ZFYVE9: variants seen among roughly 807,000 people sequenced by gnomAD.
ZFYVE9 encodes zinc finger FYVE domain-containing protein 9.
A neutral mutation model predicts 126.7 loss-of-function variants in ZFYVE9; 43 were observed. The ratio of observed to expected loss-of-function variants is 0.34; its 90% CI spans 0.27 to 0.44. The LOEUF (loss-of-function observed/expected upper bound fraction) is 0.44, where lower values mean the gene tolerates loss of function less well. ZFYVE9 is among the 20% of genes least tolerant of loss of function. ZFYVE9 has a pLI of 1.00. For missense variants in ZFYVE9, 1,476 were observed against 1,697.0 expected (o/e 0.87, Z 2.29); for synonymous variants, 521 against 597.4 (o/e 0.87, Z 1.87).
chr1:52,330,995 T>A (rs1646336054), intron 13 of ZFYVE9, among the ~76,000 whole-genome samples: 1 of 152,064 alleles, frequency 6.6e-6, no homozygotes, highest in South Asian at 2.1e-4. Flanking sequence ...GCCTCCCAAG[T>A]AGCTGGAATT....
At chr1:52,236,457 T>G (rs1036670760) in intron 3 of ZFYVE9, among the ~76,000 whole-genome samples, 1 of 152,154 alleles carries the variant, frequency 6.6e-6, no homozygotes, top group African/African-American at 2.4e-5. Flanking sequence ...CAAATATATC[T>G]GCATAATTTC....
At chr1:52,259,894 T>A (rs1645562195) in intron 4 of ZFYVE9, among the ~76,000 whole-genome samples, 1 of 152,206 alleles carries the variant, frequency 6.6e-6, no homozygotes, top group Admixed American at 6.5e-5. Context: ...ACAGAACTAT[T>A]TCATTCTTTT....
In ZFYVE9 at chr1:52,238,764, A is replaced by G; in HGVS notation, c.1347A>G (p.Leu449=). ...GATTGGCAGATGCAGGTCTAGATTTAAAAGGAACTTGCATTAGTGAAAGTG... is the reference window on the plus strand; with the variant it reads ...GATTGGCAGATGCAGGTCTAGATTTGAAAGGAACTTGCATTAGTGAAAGTG... The part of the protein sequence containing the change: ...CVGLADAGLD[L]KGTCISESEE... Residue 449 remains leucine (L), a synonymous_variant, in exon 4 of 19, where the codon TTA becomes TTG. Transcript: ENST00000287727. The G allele has an allele frequency of 6.2e-7, 1 of 1,614,110 alleles. No homozygotes were observed. Among genetic ancestry groups the G allele is most frequent in the Non-Finnish European group, 8.5e-7 (1 of 1,179,956 alleles).
At chr1:52,340,623 G>C (rs988379631) in intron 17 of ZFYVE9, among the ~76,000 whole-genome samples, 1 of 152,308 alleles carries the variant, frequency 6.6e-6, no homozygotes, top group African/African-American at 2.4e-5. Context: ...AACTAGGCCA[G>C]GCACAGTGGC....
chr1:52,312,116 T>G (rs1646142322), intron 13 of ZFYVE9, among the ~76,000 whole-genome samples: 1 of 152,170 alleles, frequency 6.6e-6, no homozygotes, highest in Non-Finnish European at 1.5e-5. Context: ...ATTGAACTTG[T>G]GTTACAAACT....
At chr1:52,256,363 G>A (rs1368922284) in intron 4 of ZFYVE9, among the ~76,000 whole-genome samples, 3 of 151,114 alleles carry the variant, frequency 2.0e-5, no homozygotes, top group South Asian at 4.2e-4. Flanking sequence ...CACCATGCCC[G>A]GCTCTTTTTT....
At chr1:52,314,562 A>G (rs928173069) in intron 13 of ZFYVE9, among the ~76,000 whole-genome samples, 3 of 152,222 alleles carry the variant, frequency 2.0e-5, no homozygotes, top group Non-Finnish European at 4.4e-5. Context: ...TCACGCCTGT[A>G]ATCCCAGTAG....
chr1:52,198,164 C>G (rs115441632), intron 1 of ZFYVE9, among the ~76,000 whole-genome samples: 8,798 of 136,652 alleles, frequency 0.064, 323 homozygotes, highest in African/African-American at 0.099. Context: ...CTCTGTCACC[C>G]AAACTGGAGT....
intron 1 of ZFYVE9, among the ~76,000 whole-genome samples, chr1:52,172,797 CTGTT>C (rs1336277136): frequency 4.0e-5 from 6 of 151,264 alleles, no homozygotes; most frequent in Admixed American, 6.6e-5. Flanking sequence ...ATTTGGCTCT[CTGTT>C]TGTCTGTTAT....
chr1:52,226,641 C>A (rs1265599846), intron 2 of ZFYVE9, among the ~76,000 whole-genome samples: 1 of 152,202 alleles, frequency 6.6e-6, no homozygotes, highest in Non-Finnish European at 1.5e-5. Context: ...CTTCTTAACT[C>A]CTGTATCACT....
At chr1:52,316,377 C>T (rs777356075) in intron 13 of ZFYVE9, among the ~76,000 whole-genome samples, 85 of 149,324 alleles carry the variant, frequency 5.7e-4, no homozygotes, top group Admixed American at 2.9e-3. Context: ...CCCAGCTACT[C>T]GGGAGGCTGA....
At chr1:52,229,523 A>T (rs1403129605) in intron 2 of ZFYVE9, among the ~76,000 whole-genome samples, 1 of 152,186 alleles carries the variant, frequency 6.6e-6, no homozygotes. Flanking sequence ...TCCATTTTTG[A>T]TGCTTGTTTG....
intron 1 of ZFYVE9, among the ~76,000 whole-genome samples, chr1:52,182,791 C>CT (rs1217570202): frequency 6.6e-6 from 1 of 151,376 alleles, no homozygotes; most frequent in Non-Finnish European, 1.5e-5. Context: ...TTTTGGAACT[C>CT]TTTTTTAAAT....
At chr1:52,269,395 G>T (rs1645666438) in intron 7 of ZFYVE9, among the ~76,000 whole-genome samples, 1 of 152,084 alleles carries the variant, frequency 6.6e-6, no homozygotes, top group Non-Finnish European at 1.5e-5. Flanking sequence ...CTCCCAAAGT[G>T]CTAGGATTAC....
At chr1:52,332,135 A>G (rs954376265) in intron 13 of ZFYVE9, among the ~76,000 whole-genome samples, 3 of 152,080 alleles carry the variant, frequency 2.0e-5, no homozygotes, top group Non-Finnish European at 4.4e-5. Context: ...GTTTCAGCCA[A>G]GGGTTGGAGT....
intron 15 of ZFYVE9, 185 bp downstream of exon 15, chr1:52,334,953 T>C (rs1013753491): frequency 8.3e-5 from 41 of 495,342 alleles, no homozygotes; most frequent in Non-Finnish European, 1.3e-4. Context: ...AGGGATACCA[T>C]GTGACAATGA....
intron 9 of ZFYVE9, 41 bp from the exon 10 acceptor site, chr1:52,281,620 A>G: frequency 6.2e-7 from 1 of 1,606,564 alleles, no homozygotes; most frequent in South Asian, 1.1e-5. Flanking sequence ...GTAAGGATTG[A>G]TAGGAATGTC....
At chr1:52,159,704 T>C (rs866990887) in intron 1 of ZFYVE9, among the ~76,000 whole-genome samples, 4 of 152,200 alleles carry the variant, frequency 2.6e-5, no homozygotes, top group Non-Finnish European at 5.9e-5. Context: ...TGGAAAGTTA[T>C]TTCATAAAGG....
At chr1:52,254,721 C>G (rs1645487061) in intron 4 of ZFYVE9, among the ~76,000 whole-genome samples, 1 of 152,094 alleles carries the variant, frequency 6.6e-6, no homozygotes, top group Non-Finnish European at 1.5e-5. Flanking sequence ...AATCCCAGCC[C>G]TTTGGGAGGC....
Sources: allele counts gnomAD v4.1 joint callset (sites outside exome capture counted in the v4.1 genomes callset), GRCh38; gene constraint gnomAD v4.1.1; transcripts MANE v1.5; gene names NCBI Gene and HGNC (gene_info 2026-07-23, HGNC 2026-07-21).